The following F8 variants were observed in gnomAD, a reference collection of about 807,000 sequenced individuals.
F8 encodes antihemophilic factor.
F8 carries 12 observed loss-of-function variants against 140.6 expected under a neutral mutation model. The ratio of observed to expected loss-of-function variants is 0.09; its 90% CI spans 0.05 to 0.14. The LOEUF is 0.14. Ranked by LOEUF, F8 falls within the 10% of genes least tolerant of loss-of-function variation. The pLI, the probability that F8 is intolerant of heterozygous loss-of-function variation, is 1.00. For missense variants in F8, 1,354 were observed against 1,720.7 expected (o/e 0.79, Z 3.77); for synonymous variants, 585 against 614.6 (o/e 0.95, Z 0.71).
In F8 at chrX:154,955,165, C is replaced by CTTTTTTTTTT. The variant is rs1185466045; in HGVS notation, c.1753-1133_1753-1124dup. Among the ~76,000 whole-genome samples, 4 of 36,063 alleles carry CTTTTTTTTTT rather than the reference C, an allele frequency of 1.1e-4. 1 individual carries two copies. The highest frequency in any genetic ancestry group is 9.6e-5 in the Non-Finnish European group (2 of 20,763). The allele number at this position is 36,063 out of a possible 115,157, so 31.3% of individuals were successfully genotyped here. ...GTTTTGCCCAAAAGTATTTATTAAG[C>CTTTTTTTTTT]TTTTTTTTTTTTTTTTTTTTTTTTT... is the stretch of plus-strand genomic sequence containing the variant. On this transcript the variant is annotated intron_variant, in intron 11 of 25. Coordinates refer to ENST00000360256, the MANE Select transcript of F8 (RefSeq NM_000132.4).
At chrX:154,915,313 C>T (rs1557277013) in intron 14 of F8, among the ~76,000 whole-genome samples, 1 of 111,989 alleles carries the variant, frequency 8.9e-6, no homozygotes, top group African/African-American at 3.2e-5. Context: ...ATATCTGGGT[C>T]TTTTGTGGTT....
chrX:155,015,403 T>C (rs1441986464), intron 1 of F8, among the ~76,000 whole-genome samples: 1 of 111,466 alleles, frequency 9.0e-6, no homozygotes, highest in Non-Finnish European at 1.9e-5. Flanking sequence ...ATTTGGAAAA[T>C]GAAAATGCAA....
rs139536647 is a variant in F8, at chrX:155,013,333, T to A, written c.143+9077A>T. Among the ~76,000 whole-genome samples, 98 of 109,832 alleles carry A rather than the reference T, an allele frequency of 8.9e-4. No homozygotes were observed. The East Asian group carries it at 0.026, about 29-fold the overall frequency. The stretch of plus-strand genomic sequence containing the variant: ...CTGTTCACATTATAGTGAATAAGTC[T>A]CATGAGGGCTGATGGTTTTATAAAG... On this transcript the variant is annotated intron_variant, in intron 1 of 25. Transcript: ENST00000360256.
intron 1 of F8, among the ~76,000 whole-genome samples, chrX:155,018,674 C>A (rs2073746546): frequency 8.9e-6 from 1 of 111,947 alleles, no homozygotes; most frequent in African/African-American, 3.2e-5. Context: ...GTGAGTGCTA[C>A]ATGCAACACT....
At chrX:154,953,829 A>G (rs782671811) in intron 12 of F8, 63 bp downstream of exon 12, 1 of 1,143,582 alleles carries the variant, frequency 8.7e-7, no homozygotes, top group East Asian at 3.0e-5. Context: ...TCTGGACATC[A>G]CTTTGATTAC....
intron 22 of F8, among the ~76,000 whole-genome samples, chrX:154,870,723 A>C (rs183526944): frequency 1.8e-5 from 2 of 111,661 alleles, no homozygotes; most frequent in East Asian, 5.6e-4. Flanking sequence ...AAAGCAATAA[A>C]GGGTATTCAA....
intron 22 of F8, among the ~76,000 whole-genome samples, chrX:154,863,862 T>C (rs2072712706): frequency 9.0e-6 from 1 of 111,312 alleles, no homozygotes; most frequent in African/African-American, 3.3e-5. Context: ...GTTGTTTGTA[T>C]GTGGTCCTAC....
intron 23 of F8, among the ~76,000 whole-genome samples, chrX:154,862,171 C>A (rs28370228): frequency 4.5e-5 from 5 of 110,376 alleles, no homozygotes; most frequent in African/African-American, 1.7e-4. Flanking sequence ...GGACTACAGG[C>A]GCACACCACC....
chrX:154,966,404 C>T (rs1557281995), intron 8 of F8, 22 bp downstream of exon 8: 1 of 1,209,347 alleles, frequency 8.3e-7, no homozygotes, highest in South Asian at 1.8e-5. Context: ...AGAGAGAGTA[C>T]CAATAGTCAA....
chrX:155,013,802 G>A (rs2073721310), intron 1 of F8, among the ~76,000 whole-genome samples: 1 of 111,532 alleles, frequency 9.0e-6, no homozygotes, highest in South Asian at 3.8e-4. Context: ...GTTTCTAGTG[G>A]AGCCCTCTTC....
In F8 at chrX:154,928,811, G is replaced by C. The variant is rs782013537; in HGVS notation, c.4979C>G (p.Pro1660Arg). The C allele has an allele frequency of 1.4e-5, 17 of 1,209,832 alleles. No homozygotes were observed. In the South Asian group the frequency reaches 3.0e-4, roughly 21 times the overall value. The part of the protein sequence containing the change: ...RTERLCSQNP[P>R]VLKRHQREIT... ...TTCCCGTTGATGGCGTTTCAAGACT[G>C]GTGGGTTTTGAGAGCACAGCCTTTC... The change falls in exon 14 of 26, where the codon CCA (proline) becomes CGA (arginine). Residue 1660 changes from proline (P) to arginine (R), a missense_variant. By Grantham distance (103) the Pro-to-Arg change is moderately radical (BLOSUM62 -2). Around this residue, in one of 4 missense-constraint regions of F8, gnomAD observed 658 missense variants for 666.5 expected, o/e 0.99. Coordinates refer to ENST00000360256, the MANE Select transcript of F8 (RefSeq NM_000132.4).
intron 19 of F8, 52 bp downstream of exon 19, chrX:154,901,999 G>T: frequency 1.2e-6 from 1 of 800,714 alleles, no homozygotes; most frequent in Non-Finnish European, 1.9e-6. Flanking sequence ...GAAGAAAGCT[G>T]TAAAGAAGTA....
At chrX:154,977,825 T>C (rs1263308724) in intron 6 of F8, among the ~76,000 whole-genome samples, 4 of 111,194 alleles carry the variant, frequency 3.6e-5, no homozygotes, top group Non-Finnish European at 5.7e-5. Flanking sequence ...AAATTTTTCA[T>C]CTAATATTTC....
intron 25 of F8, among the ~76,000 whole-genome samples, chrX:154,838,042 T>C (rs1205522341): frequency 1.8e-5 from 2 of 112,616 alleles, no homozygotes; most frequent in Non-Finnish European, 3.8e-5. Context: ...TGTTGGACCA[T>C]CTGGAGATGA....
chrX:154,855,073 T>G (rs1280781905), intron 25 of F8, among the ~76,000 whole-genome samples: 2 of 111,653 alleles, frequency 1.8e-5, no homozygotes, highest in Non-Finnish European at 3.8e-5. Context: ...TGAGCTGAGA[T>G]CATGCCACTG....
At chrX:154,969,628 G>T in intron 6 of F8, 76 bp from the exon 7 acceptor site, 1 of 923,069 alleles carries the variant, frequency 1.1e-6, no homozygotes, top group Non-Finnish European at 1.6e-6. Context: ...AGGACAGAAT[G>T]GACAAATTGA....
At chrX:154,965,782 G>T in intron 9 of F8, 188 bp downstream of exon 9, 1 of 435,602 alleles carries the variant, frequency 2.3e-6, no homozygotes, top group Non-Finnish European at 3.9e-6. Context: ...TTTAGTGGGT[G>T]ACATTAAATT....
intron 6 of F8, among the ~76,000 whole-genome samples, chrX:154,970,523 AAGACTT>A (rs2073450994): frequency 9.0e-6 from 1 of 111,605 alleles, no homozygotes; most frequent in African/African-American, 3.3e-5. Context: ...TCTCCCCTCT[AAGACTT>A]TTACCCACAA....
At position 155,022,518 on chromosome X, in the gene F8, C is replaced by T. The variant is rs2073765295; in HGVS notation, c.35G>A (p.Cys12Tyr). Residue 12 changes from cysteine to tyrosine, a missense_variant, in exon 1 of 26, where the codon TGC becomes TAC. Transcript: ENST00000360256. ...GGCACTAAAGCAGAATCGCAAAAGG[C>T]ACAGAAAGAAGCAGGTGGAGAGCTC... is the stretch of plus-strand genomic sequence containing the variant. The part of the protein sequence containing the change: ...QIELSTCFFL[C>Y]LLRFCFSATR... 8.3e-7 allele frequency: 1 copy of T among 1,211,537 alleles called. No homozygotes were observed. Among genetic ancestry groups the T allele is most frequent in the East Asian group, 3.0e-5 (1 of 33,862 alleles).
Sources: allele counts gnomAD v4.1 joint callset (sites outside exome capture counted in the v4.1 genomes callset), GRCh38; gene constraint gnomAD v4.1.1; regional missense constraint gnomAD v4.1.1; transcripts MANE v1.5; gene names NCBI Gene and HGNC (gene_info 2026-07-23, HGNC 2026-07-21).